CTIF: variants seen among roughly 807,000 people sequenced by gnomAD.
The protein encoded by CTIF is CBP80/20-dependent translation initiation factor.
CTIF carries 21 observed loss-of-function variants against 66.0 expected under a neutral mutation model. The observed-to-expected ratio is 0.32, with a 90% CI of 0.23 to 0.46. CTIF has a LOEUF of 0.46. Ranked by LOEUF, CTIF falls within the 20% of genes least tolerant of loss-of-function variation. The pLI, the probability that CTIF is intolerant of heterozygous loss-of-function variation, is 1.00. For missense variants in CTIF, 739 were observed against 812.7 expected (o/e 0.91, Z 1.10); for synonymous variants, 345 against 326.4 (o/e 1.06, Z -0.62).
At chr18:48,727,954 T>C (rs955669421) in intron 7 of CTIF, among the ~76,000 whole-genome samples, 1 of 152,232 alleles carries the variant, frequency 6.6e-6, no homozygotes, top group African/African-American at 2.4e-5. Context: ...TCCTGGATTT[T>C]TTTTTATTGT....
At chr18:48,828,746 C>G (rs9960798) in intron 10 of CTIF, among the ~76,000 whole-genome samples, 2 of 152,204 alleles carry the variant, frequency 1.3e-5, no homozygotes, top group African/African-American at 4.8e-5. Context: ...GGGCATGGGC[C>G]CAGCACGAGC....
At chr18:48,717,440 A>AATAC (rs1199445245) in intron 7 of CTIF, among the ~76,000 whole-genome samples, 4 of 148,236 alleles carry the variant, frequency 2.7e-5, no homozygotes, top group Non-Finnish European at 5.9e-5. Context: ...TAAATAAATA[A>AATAC]ATAAATAATA....
At chr18:48,718,799 A>G (rs527346901) in intron 7 of CTIF, among the ~76,000 whole-genome samples, 120 of 152,314 alleles carry the variant, frequency 7.9e-4, no homozygotes, top group African/African-American at 2.7e-3. Context: ...AGGATTCCTC[A>G]GACATGGTCA....
rs1290973927 is a variant in CTIF at position 48,786,009 on chromosome 18, A to T, written c.1371+24320A>T. Among the ~76,000 whole-genome samples the T allele has an allele frequency of 2.6e-5, 4 of 152,222 alleles. No homozygotes were observed. In the East Asian group the frequency reaches 5.8e-4, roughly 22 times the overall value. On this transcript the variant is annotated intron_variant, in intron 9 of 11. Coordinates refer to ENST00000256413, the MANE Select transcript of CTIF (RefSeq NM_014772.3). ...TGAATAAGGAAGCTGAGGCTAGGAGAGTTTGAATCACTCATCCGAGATCCT... is the reference window on the plus strand; with the variant it reads ...TGAATAAGGAAGCTGAGGCTAGGAGTGTTTGAATCACTCATCCGAGATCCT...
At chr18:48,550,477 A>G (rs2088856355) in intron 1 of CTIF, among the ~76,000 whole-genome samples, 1 of 152,136 alleles carries the variant, frequency 6.6e-6, no homozygotes, top group Admixed American at 6.5e-5. Context: ...GGTGGATGCC[A>G]CCTTCCCCTC....
At chr18:48,803,393 C>T (rs1358432909) in intron 9 of CTIF, among the ~76,000 whole-genome samples, 1 of 152,174 alleles carries the variant, frequency 6.6e-6, no homozygotes, top group African/African-American at 2.4e-5. Flanking sequence ...ATTTTCATGT[C>T]CATTGATTAG....
At chr18:48,812,919 T>C (rs1285367856) in intron 9 of CTIF, among the ~76,000 whole-genome samples, 1 of 152,218 alleles carries the variant, frequency 6.6e-6, no homozygotes, top group African/African-American at 2.4e-5. Context: ...CTGCTCTCTT[T>C]GTTCTGTGTA....
At chr18:48,730,694 TGAG>T (rs2092446593) in intron 7 of CTIF, among the ~76,000 whole-genome samples, 2 of 44,122 alleles carry the variant, frequency 4.5e-5, no homozygotes, top group Non-Finnish European at 3.8e-5. Context: ...GAGGAGCCCC[TGAG>T]GTGTGAGGGG....
chr18:48,843,096 C>A (rs965367132), intron 10 of CTIF, among the ~76,000 whole-genome samples: 1 of 152,086 alleles, frequency 6.6e-6, no homozygotes, highest in Admixed American at 6.6e-5. Context: ...CCCACCCACC[C>A]CAAGCCCCAG....
At chr18:48,564,249 C>G (rs947134919) in intron 1 of CTIF, among the ~76,000 whole-genome samples, 2 of 152,140 alleles carry the variant, frequency 1.3e-5, no homozygotes, top group East Asian at 3.9e-4. Context: ...GTAGGTGGTA[C>G]CCAGACGTGT....
intron 10 of CTIF, among the ~76,000 whole-genome samples, chr18:48,848,538 C>T (rs145861099): frequency 1.7e-4 from 26 of 152,322 alleles, no homozygotes; most frequent in Admixed American, 1.2e-3. Context: ...CTGGCCAGCC[C>T]GGCTTGGATG....
rs2069505251 is a variant in CTIF, at chr18:48,862,774, C to A, written c.*3215C>A. ...GGCGGGGGCCCAGACAGCCAGGCCG[C>A]CACCAGAGCAGCCCCATGGGGTGCC... On this transcript the variant is annotated 3_prime_UTR_variant, in exon 12 of 12. Coordinates refer to ENST00000256413, the MANE Select transcript of CTIF (RefSeq NM_014772.3). 6.6e-6 allele frequency: 1 copy of A among 152,358 alleles called. No homozygotes were observed. The highest frequency in any genetic ancestry group is 1.5e-5 in the Non-Finnish European group (1 of 68,096). The allele number at this position is 152,358 out of a possible 1,614,324, so 9.4% of individuals were successfully genotyped here.
chr18:48,750,923 C>T (rs1373761657), intron 7 of CTIF, among the ~76,000 whole-genome samples: 1 of 152,246 alleles, frequency 6.6e-6, no homozygotes, highest in Non-Finnish European at 1.5e-5. Context: ...TGAGGGCACA[C>T]ATTCGGGGCC....
At chr18:48,756,318 T>C (rs181117717) in intron 7 of CTIF, 1 of 152,230 alleles carries the variant, frequency 6.6e-6, no homozygotes, top group East Asian at 1.9e-4. Flanking sequence ...TGGAGGCTTT[T>C]CAGTGAAAAA....
rs559568035 is a variant in CTIF at position 48,859,266 on chromosome 18, C to T, written c.1582-78C>T. The T allele has an allele frequency of 2.7e-4, 342 of 1,247,900 alleles. 1 individual carries two copies. The Middle Eastern group carries it at 4.3e-3, about 16-fold the overall frequency. 77.3% of individuals were successfully genotyped at this position (1,247,900 alleles called of 1,614,324 possible). ...TTAAGACAACCCAGCTATTTCCTAT[C>T]CCTGCCCACCTAATCAGGGTGGCCA... On this transcript the variant is annotated intron_variant, in intron 11 of 11. Coordinates refer to ENST00000256413, the MANE Select transcript of CTIF (RefSeq NM_014772.3).
chr18:48,727,521 T>A (rs534893496), intron 7 of CTIF, among the ~76,000 whole-genome samples: 1 of 152,308 alleles, frequency 6.6e-6, no homozygotes, highest in South Asian at 2.1e-4. Context: ...CCAGTCCAAG[T>A]TGTTGTGTTT....
chr18:48,838,277 G>A (rs1275163454), intron 10 of CTIF, among the ~76,000 whole-genome samples: 2 of 152,160 alleles, frequency 1.3e-5, no homozygotes, highest in Non-Finnish European at 2.9e-5. Flanking sequence ...CATAGGAGCT[G>A]GAGCCTACAC....
chr18:48,767,270 G>C (rs376282831), intron 9 of CTIF, among the ~76,000 whole-genome samples: 1 of 152,222 alleles, frequency 6.6e-6, no homozygotes, highest in South Asian at 2.1e-4. Context: ...AGGGGCTCCA[G>C]TTTCACAGAG....
intron 9 of CTIF, among the ~76,000 whole-genome samples, chr18:48,797,572 G>T (rs1262331116): frequency 2.6e-5 from 4 of 151,776 alleles, no homozygotes; most frequent in Non-Finnish European, 4.4e-5. Context: ...TACCTTGTGA[G>T]TTGACTGGGG....
Sources: gnomAD v4.1 joint callset for allele counts (sites outside exome capture counted in the v4.1 genomes callset) on GRCh38, gnomAD v4.1.1 for gene constraint, MANE v1.5 for transcripts, NCBI Gene and HGNC (gene_info 2026-07-23, HGNC 2026-07-21) for gene names.